LDB2: variants seen among roughly 807,000 people sequenced by gnomAD.
LDB2 encodes the protein LIM domain binding 2, also known as LIM domain-binding protein 2.
Under a neutral mutation model 44.3 loss-of-function variants are expected in LDB2, and 12 were observed. The ratio of observed to expected loss-of-function variants is 0.27; its 90% CI spans 0.17 to 0.44. The LOEUF (loss-of-function observed/expected upper bound fraction) is 0.44, where lower values mean the gene tolerates loss of function less well. Among genes scored for constraint, LDB2 ranks in the 20% least tolerant of loss-of-function variants. LDB2 has a pLI of 1.00. For synonymous variants in LDB2, 164 were observed against 174.8 expected, an observed-to-expected ratio of 0.94 and a Z score of 0.49; for missense variants, 344 against 473.5, an observed-to-expected ratio of 0.73 and a Z score of 2.54.
chr4:16,822,402 A>G (rs1434028326), intron 1 of LDB2, among the ~76,000 whole-genome samples: 1 of 152,144 alleles, frequency 6.6e-6, no homozygotes, highest in East Asian at 1.9e-4. Context: ...TGTCTTTAAG[A>G]GTGTCCACGG....
intron 1 of LDB2, among the ~76,000 whole-genome samples, chr4:16,773,458 C>T (rs892897196): frequency 2.0e-5 from 3 of 152,174 alleles, no homozygotes; most frequent in South Asian, 4.1e-4. Context: ...GAGACAGCGA[C>T]GGATCATCAG....
intron 2 of LDB2, among the ~76,000 whole-genome samples, chr4:16,636,308 C>G (rs1004141484): frequency 1.3e-5 from 2 of 152,156 alleles, no homozygotes; most frequent in Admixed American, 6.5e-5. Context: ...GGAAAAAAAG[C>G]CTTTATCATT....
intron 5 of LDB2, among the ~76,000 whole-genome samples, chr4:16,542,212 A>C (rs1454333207): frequency 1.3e-5 from 2 of 151,832 alleles, no homozygotes; most frequent in African/African-American, 4.8e-5. Context: ...GGTTCCAGGC[A>C]CTTGGGAAAA....
In LDB2 at chr4:16,502,502, A is replaced by G; in HGVS notation, c.*141T>C. ...ATTAGAAAAAAAGAAAGAAGAAAGA[A>G]AATCAGATCATTGTGGTTTAGAAAT... On this transcript the variant is annotated 3_prime_UTR_variant, in exon 8 of 8. Transcript: ENST00000304523. 2.5e-6 allele frequency: 3 copies of G among 1,188,814 alleles called. No individual in the cohort carries two copies. The highest frequency in any genetic ancestry group is 3.6e-6 in the Non-Finnish European group (3 of 837,586). The allele number at this position is 1,188,814 out of a possible 1,614,324, so 73.6% of individuals were successfully genotyped here. A position where few individuals can be genotyped will look rare whatever the true frequency, so the allele number is the denominator to read the frequency against.
At chr4:16,714,272 A>G (rs551659736) in intron 2 of LDB2, among the ~76,000 whole-genome samples, 1 of 152,332 alleles carries the variant, frequency 6.6e-6, no homozygotes, top group African/African-American at 2.4e-5. Flanking sequence ...TTCAGCAAGA[A>G]TTTTACTTGT....
At chr4:16,552,025 G>T (rs916649103) in intron 5 of LDB2, among the ~76,000 whole-genome samples, 4 of 151,886 alleles carry the variant, frequency 2.6e-5, no homozygotes, top group African/African-American at 9.7e-5. Context: ...TATTTGCTGA[G>T]CCTCTACTAT....
At chr4:16,503,283 G>A (rs1046566674) in intron 7 of LDB2, among the ~76,000 whole-genome samples, 8 of 152,140 alleles carry the variant, frequency 5.3e-5, no homozygotes, top group African/African-American at 1.9e-4. Context: ...GGGCCTGTGA[G>A]TGGCTTTGGA....
chr4:16,679,587 G>A (rs949738024), intron 2 of LDB2, among the ~76,000 whole-genome samples: 2 of 152,132 alleles, frequency 1.3e-5, no homozygotes, highest in African/African-American at 4.8e-5. Flanking sequence ...CAAGAAACAG[G>A]AGCAGATGTG....
At chr4:16,868,312 AC>A (rs1344413363) in intron 1 of LDB2, among the ~76,000 whole-genome samples, 17 of 152,168 alleles carry the variant, frequency 1.1e-4, no homozygotes, top group Admixed American at 1.1e-3. Context: ...TTACTCAAAA[AC>A]TTTTTTATTG....
intron 1 of LDB2, among the ~76,000 whole-genome samples, chr4:16,762,120 T>C (rs1324144931): frequency 6.6e-6 from 1 of 152,062 alleles, no homozygotes; most frequent in Admixed American, 6.5e-5. Flanking sequence ...AACTTGAACC[T>C]GTGAGGCAGA....
At chr4:16,642,357 G>A (rs1735441896) in intron 2 of LDB2, among the ~76,000 whole-genome samples, 1 of 151,998 alleles carries the variant, frequency 6.6e-6, no homozygotes, top group Non-Finnish European at 1.5e-5. Context: ...AACATAGCAG[G>A]TAAACGCACA....
rs1046663214 is a variant in LDB2, at chr4:16,540,269, C to A, written c.616-28165G>T. On this transcript the variant is annotated intron_variant, in intron 5 of 7. Coordinates refer to ENST00000304523, the MANE Select transcript of LDB2 (RefSeq NM_001290.5). ...TGGGCTTGGGAGTGGACATGAAGTGCCAGGTTAGGGTGAAGCCTAACTGCT... is the reference window on the plus strand; with the variant it reads ...TGGGCTTGGGAGTGGACATGAAGTGACAGGTTAGGGTGAAGCCTAACTGCT... Among the ~76,000 whole-genome samples, 11 of 152,150 alleles carry A rather than the reference C, an allele frequency of 7.2e-5. No individual in the cohort carries two copies. In the East Asian group the frequency reaches 2.1e-3, roughly 29 times the overall value.
intron 5 of LDB2, among the ~76,000 whole-genome samples, chr4:16,583,094 C>T (rs963248350): frequency 6.6e-6 from 1 of 152,190 alleles, no homozygotes; most frequent in African/African-American, 2.4e-5. Flanking sequence ...CTCCCTCCAA[C>T]GGTGAGAGCT....
At chr4:16,890,837 A>G (rs1439146519) in intron 1 of LDB2, among the ~76,000 whole-genome samples, 2 of 152,188 alleles carry the variant, frequency 1.3e-5, no homozygotes, top group African/African-American at 4.8e-5. Flanking sequence ...GCAGGTAGCT[A>G]AAGTGGTCTG....
chr4:16,817,481 C>T (rs1781165022), intron 1 of LDB2, among the ~76,000 whole-genome samples: 1 of 152,062 alleles, frequency 6.6e-6, no homozygotes, highest in Admixed American at 6.5e-5. Flanking sequence ...TTCCTAAGGC[C>T]AGTTTGAATT....
At chr4:16,802,328 T>C (rs1183880567) in intron 1 of LDB2, among the ~76,000 whole-genome samples, 1 of 152,210 alleles carries the variant, frequency 6.6e-6, no homozygotes, top group Non-Finnish European at 1.5e-5. Flanking sequence ...CCTTTCCCTG[T>C]TCCTCATATG....
intron 7 of LDB2, among the ~76,000 whole-genome samples, chr4:16,507,836 A>T (rs187451638): frequency 6.6e-6 from 1 of 152,322 alleles, no homozygotes; most frequent in African/African-American, 2.4e-5. Flanking sequence ...AAGAATGAAT[A>T]AAAGATGAAG....
intron 1 of LDB2, among the ~76,000 whole-genome samples, chr4:16,818,376 G>T (rs1184534436): frequency 6.6e-6 from 1 of 152,158 alleles, no homozygotes; most frequent in Admixed American, 6.6e-5. Context: ...GCAAAGAGAG[G>T]GGAAATGGAC....
chr4:16,829,219 A>C (rs543836017), intron 1 of LDB2, among the ~76,000 whole-genome samples: 4 of 152,310 alleles, frequency 2.6e-5, no homozygotes, highest in African/African-American at 9.6e-5. Context: ...CTGGCTACCC[A>C]GTCAATCGGT....
Sources: allele counts gnomAD v4.1 joint callset (sites outside exome capture counted in the v4.1 genomes callset), GRCh38; gene constraint gnomAD v4.1.1; transcripts MANE v1.5; gene names NCBI Gene and HGNC (gene_info 2026-07-23, HGNC 2026-07-21).